Variants in SCOC observed in about 807,000 individuals in gnomAD.
SCOC encodes the protein short coiled coil protein.
Under a neutral mutation model 9.9 loss-of-function variants are expected in SCOC, and 7 were observed. The observed-to-expected ratio is 0.71, with a 90% CI of 0.40 to 1.33. The LOEUF (loss-of-function observed/expected upper bound fraction) is 1.33. SCOC is among the 40% of genes most tolerant of loss of function. The pLI is 0.01. For missense variants in SCOC, 66 were observed against 89.7 expected (o/e 0.74, Z 1.07); for synonymous variants, 19 against 28.2 (o/e 0.67, Z 1.03).
chr4:140,365,215 G>C (rs546935450), intron 2 of SCOC, among the ~76,000 whole-genome samples: 14 of 150,954 alleles, frequency 9.3e-5, no homozygotes, highest in Non-Finnish European at 1.3e-4. Context: ...TCAAGATCTG[G>C]ATCTTGGAGA....
intron 2 of SCOC, among the ~76,000 whole-genome samples, chr4:140,344,468 C>T (rs1379555257): frequency 6.6e-6 from 1 of 152,174 alleles, no homozygotes; most frequent in Non-Finnish European, 1.5e-5. Context: ...TATTTAACAT[C>T]AATTGCTCTT....
At chr4:140,369,728 T>G (rs1364785245), upstream of SCOC, among the ~76,000 whole-genome samples, 1 of 152,154 alleles carries the variant, frequency 6.6e-6, no homozygotes, top group African/African-American at 2.4e-5. Context: ...GTGCCTTTAT[T>G]TAGATGAACT....
At position 140,379,595 on chromosome 4, in the gene SCOC, C is replaced by G. The variant is rs769334702; in HGVS notation, c.49C>G (p.Leu17Val). The change falls in exon 3 of 4, where the codon CTG (leucine) becomes GTG (valine). Residue 17 changes from leucine (L) to valine (V), a missense_variant. Leu to Val is a conservative substitution (Grantham distance 32, BLOSUM62 1). Transcript: ENST00000608372. ...AGTTGATGCTGAAAATCAAGTGGAA[C>G]TGGAGGAAAAAACAAGACTTATTAA... is the stretch of plus-strand genomic sequence containing the variant. ...DAVDAENQVE[L>V]EEKTRLINQV... 1.2e-6 allele frequency: 2 copies of G among 1,612,278 alleles called. No homozygotes were observed. The highest frequency in any genetic ancestry group is 2.2e-5 in the South Asian group (2 of 90,924).
chr4:140,260,757 C>A (rs1401381913), intron 1 of SCOC, among the ~76,000 whole-genome samples: 1 of 152,154 alleles, frequency 6.6e-6, no homozygotes, highest in Admixed American at 6.5e-5. Flanking sequence ...CATACATATT[C>A]TATTTATGTG....
chr4:140,369,062 T>G (rs1051379124), upstream of SCOC, among the ~76,000 whole-genome samples: 3 of 152,152 alleles, frequency 2.0e-5, no homozygotes, highest in South Asian at 6.2e-4. Context: ...TTGAAAAAAC[T>G]CTAAAAGTAC....
chr4:140,380,700 A>T (rs1728542096), intron 3 of SCOC, among the ~76,000 whole-genome samples: 1 of 152,204 alleles, frequency 6.6e-6, no homozygotes, highest in Non-Finnish European at 1.5e-5. Flanking sequence ...CAAAATTCAC[A>T]TTTTAAAAAC....
intron 1 of SCOC, among the ~76,000 whole-genome samples, chr4:140,338,283 T>C (rs1194237199): frequency 2.6e-5 from 4 of 152,142 alleles, no homozygotes; most frequent in Non-Finnish European, 4.4e-5. Context: ...AAATTAGGTA[T>C]TGATGGGACG....
Position 140,381,245 on chromosome 4 carries a change from C to G in SCOC, c.*141C>G. On this transcript the variant is annotated 3_prime_UTR_variant, in exon 4 of 4. Coordinates refer to ENST00000608372, the MANE Select transcript of SCOC (RefSeq NM_001153484.2). ...ATGTCAGATGTAGACAAAAATAACA[C>G]AATAACAGGAGACTTCCATAAGTTT... is the stretch of plus-strand genomic sequence containing the variant. 1 of 743,444 alleles carries G rather than the reference C, an allele frequency of 1.3e-6. No individual in the cohort carries two copies. Among genetic ancestry groups the G allele is most frequent in the Non-Finnish European group, 2.1e-6 (1 of 479,092 alleles). The allele number at this position is 743,444 out of a possible 1,614,324, so 46.1% of individuals were successfully genotyped here.
chr4:140,322,252 G>A (rs930108093), intron 1 of SCOC, among the ~76,000 whole-genome samples: 6 of 152,166 alleles, frequency 3.9e-5, no homozygotes, highest in African/African-American at 1.2e-4. Context: ...GATGGGTAGA[G>A]GCTGAAACAG....
chr4:140,349,759 C>T (rs1726897101), intron 2 of SCOC, among the ~76,000 whole-genome samples: 2 of 152,216 alleles, frequency 1.3e-5, no homozygotes, highest in Admixed American at 1.3e-4. Context: ...CCACCACCTC[C>T]CTCACCAGGT....
At chr4:140,374,001 C>T in intron 1 of SCOC, 1 of 607,378 alleles carries the variant, frequency 1.6e-6, no homozygotes, top group South Asian at 1.5e-5. Context: ...GTAGCTTTCT[C>T]CCCGCAGCTC....
At chr4:140,286,158 T>G (rs1731261292) in intron 1 of SCOC, among the ~76,000 whole-genome samples, 1 of 151,404 alleles carries the variant, frequency 6.6e-6, no homozygotes, top group Non-Finnish European at 1.5e-5. Context: ...CACTCCAGCC[T>G]GGGTGACAGA....
intron 1 of SCOC, among the ~76,000 whole-genome samples, chr4:140,377,896 T>G (rs2126597685): frequency 6.6e-6 from 1 of 152,312 alleles, no homozygotes; most frequent in Non-Finnish European, 1.5e-5. Flanking sequence ...TAAATACTTG[T>G]TGAAAGAATA....
chr4:140,355,095 C>T (rs867083038), intron 2 of SCOC, among the ~76,000 whole-genome samples: 11 of 151,756 alleles, frequency 7.2e-5, no homozygotes, highest in Middle Eastern at 3.4e-3. Flanking sequence ...GCTGGGAAAC[C>T]AGACCCACCC....
At chr4:140,308,913 C>T (rs1732071760) in intron 1 of SCOC, among the ~76,000 whole-genome samples, 1 of 152,112 alleles carries the variant, frequency 6.6e-6, no homozygotes, top group African/African-American at 2.4e-5. Flanking sequence ...GCTTACAGTT[C>T]AGGAGCAGGC....
At chr4:140,259,541 G>A (rs777724545) in intron 1 of SCOC, among the ~76,000 whole-genome samples, 10 of 151,976 alleles carry the variant, frequency 6.6e-5, no homozygotes, top group Non-Finnish European at 1.5e-4. Flanking sequence ...GCAGAAGTTC[G>A]AGACCATCTA....
At chr4:140,295,432 C>A (rs990513919) in intron 1 of SCOC, among the ~76,000 whole-genome samples, 4 of 152,302 alleles carry the variant, frequency 2.6e-5, no homozygotes, top group African/African-American at 9.6e-5. Context: ...CACACAGGGG[C>A]GTGCTTTCTA....
At chr4:140,379,859 C>T (rs1161422789) in intron 3 of SCOC, among the ~76,000 whole-genome samples, 1 of 152,122 alleles carries the variant, frequency 6.6e-6, no homozygotes, top group Non-Finnish European at 1.5e-5. Flanking sequence ...TTGTGCTTCC[C>T]TCTTTGAAGC....
chr4:140,341,235 C>T (rs1726501919), upstream of SCOC, among the ~76,000 whole-genome samples: 1 of 152,064 alleles, frequency 6.6e-6, no homozygotes. Flanking sequence ...AAAAACAAAA[C>T]CAAGTGTATG....
Sources: allele counts gnomAD v4.1 joint callset (sites outside exome capture counted in the v4.1 genomes callset), GRCh38; gene constraint gnomAD v4.1.1; transcripts MANE v1.5; gene names NCBI Gene and HGNC (gene_info 2026-07-23, HGNC 2026-07-21).